LPAR1: variants seen among roughly 807,000 people sequenced by gnomAD.
LPAR1 encodes lysophosphatidic acid receptor 1.
In LPAR1, 5 loss-of-function variants were observed where a neutral mutation model predicts 23.8. The observed-to-expected ratio is 0.21, with a 90% CI of 0.11 to 0.44. The LOEUF (loss-of-function observed/expected upper bound fraction) is 0.44. Among genes scored for constraint, LPAR1 ranks in the 20% least tolerant of loss-of-function variants. LPAR1 has a pLI of 0.99. For missense variants in LPAR1, 311 were observed against 482.8 expected, an observed-to-expected ratio of 0.64 and a Z score of 3.33; for synonymous variants, 160 against 164.7, an observed-to-expected ratio of 0.97 and a Z score of 0.22.
chr9:110,964,081 A>G (rs1307617881), intron 4 of LPAR1, among the ~76,000 whole-genome samples: 1 of 152,256 alleles, frequency 6.6e-6, no homozygotes, highest in Non-Finnish European at 1.5e-5. Flanking sequence ...TCATAATTTA[A>G]TAATTGCAAA....
At chr9:110,885,789 G>A (rs1016919512) in intron 5 of LPAR1, among the ~76,000 whole-genome samples, 3 of 152,208 alleles carry the variant, frequency 2.0e-5, no homozygotes, top group African/African-American at 7.2e-5. Flanking sequence ...CAGGCCGGGC[G>A]TGGTGGATCA....
intron 4 of LPAR1, among the ~76,000 whole-genome samples, chr9:110,958,593 T>C (rs1464183070): frequency 6.6e-6 from 1 of 152,066 alleles, no homozygotes; most frequent in African/African-American, 2.4e-5. Context: ...ATAAAGACTT[T>C]ATTAAGACTG....
intron 5 of LPAR1, among the ~76,000 whole-genome samples, chr9:110,926,019 C>T (rs770263323): frequency 2.0e-5 from 3 of 152,256 alleles, no homozygotes; most frequent in African/African-American, 7.2e-5. Context: ...CTCCCGGGTT[C>T]GCGCCATTCT....
At chr9:110,992,875 C>G (rs947211756) in intron 2 of LPAR1, among the ~76,000 whole-genome samples, 1 of 152,070 alleles carries the variant, frequency 6.6e-6, no homozygotes, top group Non-Finnish European at 1.5e-5. Context: ...AGGAGAAAAG[C>G]TGAGGAGTGT....
chr9:111,014,126 C>A (rs1472420807), intron 2 of LPAR1, among the ~76,000 whole-genome samples: 1 of 152,154 alleles, frequency 6.6e-6, no homozygotes, highest in Non-Finnish European at 1.5e-5. Flanking sequence ...TCCCCTCACA[C>A]CAGCCTGATA....
intron 2 of LPAR1, among the ~76,000 whole-genome samples, chr9:110,995,018 T>C (rs1244586128): frequency 6.6e-6 from 1 of 152,184 alleles, no homozygotes; most frequent in Non-Finnish European, 1.5e-5. Flanking sequence ...GAAAGACACA[T>C]TTATGTTAAA....
At chr9:110,982,861 T>C (rs10980678) in intron 2 of LPAR1, among the ~76,000 whole-genome samples, 2,084 of 140,052 alleles carry the variant, frequency 0.015, 25 homozygotes, top group Middle Eastern at 0.029. Context: ...TATATACACA[T>C]ACACACACAC....
intron 2 of LPAR1, among the ~76,000 whole-genome samples, chr9:111,029,956 G>A (rs1053237692): frequency 6.7e-6 from 1 of 149,578 alleles, no homozygotes; most frequent in Non-Finnish European, 1.5e-5. Context: ...TTGGAAGGCT[G>A]AGGCAAGAGA....
At chr9:110,948,695 T>C (rs1019273302) in intron 4 of LPAR1, among the ~76,000 whole-genome samples, 3 of 152,126 alleles carry the variant, frequency 2.0e-5, no homozygotes, top group Non-Finnish European at 2.9e-5. Context: ...GTATAATAAA[T>C]AGTCCTTAGA....
At chr9:111,011,556 T>C (rs562958762) in intron 2 of LPAR1, among the ~76,000 whole-genome samples, 41 of 152,342 alleles carry the variant, frequency 2.7e-4, no homozygotes, top group Non-Finnish European at 5.0e-4. Flanking sequence ...ACCTGGCCGA[T>C]GAAGATAGAG....
At chr9:110,890,253 A>C (rs955150026) in intron 5 of LPAR1, among the ~76,000 whole-genome samples, 3 of 152,186 alleles carry the variant, frequency 2.0e-5, no homozygotes, top group African/African-American at 7.2e-5. Context: ...TGATAATCTG[A>C]ATATACCCAA....
chr9:110,883,848 G>T (rs1002499641), intron 5 of LPAR1, among the ~76,000 whole-genome samples: 1 of 152,098 alleles, frequency 6.6e-6, no homozygotes, highest in African/African-American at 2.4e-5. Context: ...TGATTTCTAG[G>T]CCTGCTTCTC....
At chr9:110,953,295 A>C (rs1269185749) in intron 4 of LPAR1, among the ~76,000 whole-genome samples, 1 of 152,106 alleles carries the variant, frequency 6.6e-6, no homozygotes, top group African/African-American at 2.4e-5. Context: ...GGACTGACCC[A>C]TCTGACATCC....
At chr9:111,004,799 T>C (rs1378815572) in intron 2 of LPAR1, among the ~76,000 whole-genome samples, 1 of 152,204 alleles carries the variant, frequency 6.6e-6, no homozygotes, top group African/African-American at 2.4e-5. Flanking sequence ...CAGACACTTA[T>C]AGTCTGGTGA....
At chr9:111,004,892 G>A (rs1323293710) in intron 2 of LPAR1, among the ~76,000 whole-genome samples, 1 of 152,130 alleles carries the variant, frequency 6.6e-6, no homozygotes, top group East Asian at 1.9e-4. Flanking sequence ...TGAGCACGGT[G>A]GCTCATGCCT....
At chr9:110,996,772 T>C (rs1588754675) in intron 2 of LPAR1, among the ~76,000 whole-genome samples, 1 of 152,110 alleles carries the variant, frequency 6.6e-6, no homozygotes, top group Admixed American at 6.5e-5. Context: ...GCTCCAAGGG[T>C]ATAATTTTAG....
At chr9:110,991,787 T>G (rs1340112666) in intron 2 of LPAR1, among the ~76,000 whole-genome samples, 3 of 152,056 alleles carry the variant, frequency 2.0e-5, no homozygotes, top group African/African-American at 7.2e-5. Context: ...GAGATGGGGT[T>G]TCTCCATGTT....
intron 2 of LPAR1, among the ~76,000 whole-genome samples, chr9:111,025,827 T>C (rs964164908): frequency 1.2e-4 from 19 of 152,226 alleles, no homozygotes; most frequent in African/African-American, 4.6e-4. Context: ...TGCTTGTTTT[T>C]GTCAGGTTTG....
intron 2 of LPAR1, among the ~76,000 whole-genome samples, chr9:111,000,568 A>G (rs1287904261): frequency 6.6e-6 from 1 of 151,936 alleles, no homozygotes; most frequent in Admixed American, 6.6e-5. Flanking sequence ...GGACTGCTCT[A>G]CTCCCCCAGC....
Sources: gnomAD v4.1 joint callset for allele counts (sites outside exome capture counted in the v4.1 genomes callset) on GRCh38, gnomAD v4.1.1 for gene constraint, MANE v1.5 for transcripts, NCBI Gene and HGNC (gene_info 2026-07-23, HGNC 2026-07-21) for gene names.